TINAG: variants seen among roughly 807,000 people sequenced by gnomAD.
TINAG encodes the protein tubulointerstitial nephritis antigen.
TINAG carries 83 observed loss-of-function variants against 72.7 expected under a neutral mutation model. That is an observed-to-expected ratio of 1.14 (90% CI 0.96 to 1.37). The LOEUF is 1.37. Ranked by LOEUF, TINAG falls within the 40% of genes most tolerant of loss-of-function variation. The pLI is 0.00. For synonymous variants in TINAG, 234 were observed against 189.9 expected, an observed-to-expected ratio of 1.23 and a Z score of -1.91; for missense variants, 685 against 576.6, an observed-to-expected ratio of 1.19 and a Z score of -1.93.
intron 3 of TINAG, among the ~76,000 whole-genome samples, chr6:54,323,116 T>C (rs1784529509): frequency 6.6e-6 from 1 of 152,256 alleles, no homozygotes; most frequent in Non-Finnish European, 1.5e-5. Flanking sequence ...TTTCTTTCCA[T>C]GATTTATTTA....
rs140684734 is a variant in TINAG, at chr6:54,354,520, G to A, written c.1134G>A (p.Met378Ile). 14 of 1,603,708 alleles carry A rather than the reference G, an allele frequency of 8.7e-6. No individual in the cohort carries two copies. In the African/African-American group the frequency reaches 1.8e-4, roughly 20 times the overall value. ...TGTTGGATTTTATTTTAGCCATAAT[G>A]CAAGTCCGTGAAGATTTCTTCCATT... ...IMQNGPVQAI[M>I]QVREDFFHYK... The change falls in exon 9 of 11, where the codon ATG (methionine) becomes ATA (isoleucine). Residue 378 changes from methionine (M) to isoleucine (I), a missense_variant. Transcript: ENST00000259782.
chr6:54,327,203 G>T, intron 4 of TINAG: 1 of 1,529,684 alleles, frequency 6.5e-7, no homozygotes, highest in Non-Finnish European at 8.8e-7. Flanking sequence ...AGCTCCCAGC[G>T]AGACCAACGT....
Position 54,308,817 on chromosome 6 carries a change from A to G in TINAG, c.267A>G (p.Arg89=), listed in dbSNP as rs1284473139. Residue 89 remains arginine, a synonymous_variant, in exon 1 of 11, where the codon AGA becomes AGG. Coordinates refer to ENST00000259782, the MANE Select transcript of TINAG (RefSeq NM_014464.4). ...ALCYCDKFCD[R]ENSDCCPDYK... ...GCTACTGTGATAAATTCTGTGACAG[A>G]GAAAATTCTGATTGCTGTCCTGACT... 6.2e-7 allele frequency: 1 copy of G among 1,613,830 alleles called. No individual in the cohort carries two copies. Among genetic ancestry groups the G allele is most frequent in the South Asian group, 1.1e-5 (1 of 91,068 alleles).
chr6:54,380,569 T>C lies in TINAG; in HGVS notation c.1294T>C (p.Trp432Arg), dbSNP rs139635385. Reference sequence around the variant, plus strand: ...AGCACAAGGGCAGAAAGAAAAATTTTGGGTATGTAACTCTTTCCAGTTGAA... The same window carrying C: ...AGCACAAGGGCAGAAAGAAAAATTTCGGGTATGTAACTCTTTCCAGTTGAA... ...RGAQGQKEKF[W>R]IAANSWGKSW... Residue 432 changes from tryptophan (W) to arginine (R), a missense_variant and splice_region_variant, in exon 10 of 11, where the codon TGG becomes CGG. Physicochemically the swap from Trp to Arg is moderately radical, Grantham distance 101. Transcript: ENST00000259782. 6 of 1,610,442 alleles carry C rather than the reference T, an allele frequency of 3.7e-6. No individual in the cohort carries two copies. In the Admixed American group the frequency reaches 6.7e-5, roughly 18 times the overall value.
intron 9 of TINAG, among the ~76,000 whole-genome samples, chr6:54,370,765 A>T (rs1763578620): frequency 6.6e-6 from 1 of 151,904 alleles, no homozygotes; most frequent in Non-Finnish European, 1.5e-5. Flanking sequence ...AAACTGATAG[A>T]TGGGCTTTAT....
At chr6:54,340,991 T>C (rs563531832) in intron 4 of TINAG, among the ~76,000 whole-genome samples, 18 of 152,282 alleles carry the variant, frequency 1.2e-4, no homozygotes, top group African/African-American at 3.8e-4. Context: ...TGATAGGCTT[T>C]CAAATGTGGA....
intron 3 of TINAG, among the ~76,000 whole-genome samples, chr6:54,326,297 A>G (rs898106472): frequency 3.3e-5 from 5 of 151,788 alleles, no homozygotes; most frequent in African/African-American, 1.2e-4. Flanking sequence ...TCAATATCTG[A>G]TTAATTAGAT....
intron 4 of TINAG, 66 bp from the exon 5 acceptor site, chr6:54,343,160 C>G: frequency 1.5e-6 from 2 of 1,328,158 alleles, no homozygotes; most frequent in South Asian, 2.1e-5. Flanking sequence ...TATAAAAGGG[C>G]GTGACATTTT....
At chr6:54,369,059 A>G (rs769228687) in intron 9 of TINAG, among the ~76,000 whole-genome samples, 30 of 152,014 alleles carry the variant, frequency 2.0e-4, no homozygotes, top group Middle Eastern at 3.4e-3. Context: ...TGAATCGAAC[A>G]TTCCTGGTTT....
intron 9 of TINAG, among the ~76,000 whole-genome samples, chr6:54,358,192 A>G (rs1236314970): frequency 1.3e-5 from 2 of 151,750 alleles, no homozygotes; most frequent in Non-Finnish European, 2.9e-5. Context: ...TGGCTGCCCT[A>G]TATAATTTGT....
At chr6:54,311,736 C>T (rs543933611) in intron 1 of TINAG, among the ~76,000 whole-genome samples, 112 of 152,258 alleles carry the variant, frequency 7.4e-4, no homozygotes, top group Non-Finnish European at 1.5e-3. Context: ...AGCAAGTCAG[C>T]TTATTCACCC....
At chr6:54,339,098 T>C (rs1784938036) in intron 4 of TINAG, among the ~76,000 whole-genome samples, 1 of 152,222 alleles carries the variant, frequency 6.6e-6, no homozygotes, top group Non-Finnish European at 1.5e-5. Context: ...CTTACATTTG[T>C]TGATGCCTTG....
At chr6:54,314,430 C>T (rs1272013314) in intron 1 of TINAG, among the ~76,000 whole-genome samples, 4 of 152,058 alleles carry the variant, frequency 2.6e-5, no homozygotes, top group Non-Finnish European at 2.9e-5. Flanking sequence ...AGATGAGCAC[C>T]TCTGTTTTAT....
intron 1 of TINAG, among the ~76,000 whole-genome samples, chr6:54,317,855 C>G (rs1340578864): frequency 6.6e-6 from 1 of 152,144 alleles, no homozygotes; most frequent in Non-Finnish European, 1.5e-5. Context: ...CTCCCTGCTA[C>G]TTCACTGAAA....
In TINAG at chr6:54,380,576, GTAAC is replaced by G; in HGVS notation, c.1296+7_1296+10del. 1 of 1,609,156 alleles carries G rather than the reference GTAAC, an allele frequency of 6.2e-7. No homozygotes were observed. Among genetic ancestry groups the G allele is most frequent in the Non-Finnish European group, 8.5e-7 (1 of 1,176,780 alleles). On this transcript the variant is annotated splice_donor_region_variant and intron_variant, in intron 10 of 10. Coordinates refer to ENST00000259782, the MANE Select transcript of TINAG (RefSeq NM_014464.4). ...GGGCAGAAAGAAAAATTTTGGGTAT[GTAAC>G]TCTTTCCAGTTGAATTCCTGCTGTG...
At chr6:54,388,072 A>G (rs559099975) in intron 10 of TINAG, among the ~76,000 whole-genome samples, 2 of 152,282 alleles carry the variant, frequency 1.3e-5, no homozygotes, top group African/African-American at 4.8e-5. Context: ...GGATAGTAAT[A>G]ATCTTCAGCC....
At chr6:54,385,879 A>AAT (rs1764085205) in intron 10 of TINAG, among the ~76,000 whole-genome samples, 2 of 80,756 alleles carry the variant, frequency 2.5e-5, no homozygotes, top group African/African-American at 1.1e-4. Flanking sequence ...AAAAAACATG[A>AAT]TTTTTTTTTT....
intron 9 of TINAG, among the ~76,000 whole-genome samples, chr6:54,378,418 G>T (rs925883649): frequency 2.6e-5 from 4 of 152,002 alleles, no homozygotes; most frequent in Non-Finnish European, 5.9e-5. Flanking sequence ...TTAAATGAGC[G>T]TCTTAAAATT....
At chr6:54,349,184 A>G (rs1038769538) in intron 6 of TINAG, among the ~76,000 whole-genome samples, 1 of 151,828 alleles carries the variant, frequency 6.6e-6, no homozygotes, top group Admixed American at 6.6e-5. Flanking sequence ...AGTATCACGA[A>G]CTACAGATAT....
Sources: gnomAD v4.1 joint callset for allele counts (sites outside exome capture counted in the v4.1 genomes callset) on GRCh38, gnomAD v4.1.1 for gene constraint, MANE v1.5 for transcripts, NCBI Gene and HGNC (gene_info 2026-07-23, HGNC 2026-07-21) for gene names.